Variants in PLEKHD1 observed in about 807,000 individuals in gnomAD.
PLEKHD1 encodes the protein pleckstrin homology and coiled-coil domain containing D1, also known as pleckstrin homology domain-containing family D member 1.
Under a neutral mutation model 69.2 loss-of-function variants are expected in PLEKHD1, and 51 were observed. The observed-to-expected ratio is 0.74, with a 90% CI of 0.59 to 0.93. The LOEUF (loss-of-function observed/expected upper bound fraction) is 0.93, where lower values mean the gene tolerates loss of function less well. Among genes scored for constraint, PLEKHD1 ranks in the 40% least tolerant of loss-of-function variants. The pLI, the probability that PLEKHD1 is intolerant of heterozygous loss-of-function variation, is 0.00. For missense variants in PLEKHD1, 584 were observed against 641.0 expected (o/e 0.91, Z 0.96); for synonymous variants, 236 against 244.7 (o/e 0.96, Z 0.33).
intron 6 of PLEKHD1, among the ~76,000 whole-genome samples, chr14:69,521,279 C>T (rs1883508827): frequency 6.6e-6 from 1 of 152,158 alleles, no homozygotes; most frequent in Non-Finnish European, 1.5e-5. Flanking sequence ...GATATAGCAA[C>T]TCTTTGGGTA....
intron 7 of PLEKHD1, among the ~76,000 whole-genome samples, chr14:69,522,878 A>C (rs4902726): frequency 0.77 from 116,435 of 151,858 alleles, 45,279 homozygotes; most frequent in Admixed American, 0.85. Context: ...ATCTCTCTCT[A>C]TATATATACA....
Position 69,527,812 on chromosome 14 carries a change from G to C in PLEKHD1, c.1231G>C (p.Glu411Gln). The stretch of plus-strand genomic sequence containing the variant: ...CTTTGAGGAGTGCATCCGGAATGCC[G>C]AGCTGGAGGCCAAGATGCCTGTGAT... ...RFFEECIRNA[E>Q]LEAKMPVIMK... Residue 411 changes from glutamate to glutamine, a missense_variant, in exon 12 of 13, where the codon GAG becomes CAG. By Grantham distance (29) the Glu-to-Gln change is conservative. Transcript: ENST00000322564. 6.4e-7 allele frequency: 1 copy of C among 1,551,472 alleles called. No individual in the cohort carries two copies. Among genetic ancestry groups the C allele is most frequent in the East Asian group, 2.4e-5 (1 of 40,912 alleles).
chr14:69,479,390 C>T, the PLEKHD1 span, among the ~76,000 whole-genome samples: 1 of 152,164 alleles, frequency 6.6e-6, no homozygotes, highest in Non-Finnish European at 1.5e-5. Flanking sequence ...ACACAAGAGA[C>T]TTACAGGATC....
intron 6 of PLEKHD1, among the ~76,000 whole-genome samples, chr14:69,504,705 T>A (rs1009763449): frequency 1.3e-5 from 2 of 152,138 alleles, no homozygotes; most frequent in Non-Finnish European, 2.9e-5. Context: ...TTTCATTGAT[T>A]AAAGAGAAAA....
At chr14:69,503,671 A>G (rs1443009265) in intron 6 of PLEKHD1, 1 of 140,680 alleles carries the variant, frequency 7.1e-6, no homozygotes, top group African/African-American at 2.8e-5. Flanking sequence ...AGCCTGGGCG[A>G]CAGAGCGAGA....
At chr14:69,520,043 C>T (rs1443210829) in intron 6 of PLEKHD1, among the ~76,000 whole-genome samples, 2 of 151,550 alleles carry the variant, frequency 1.3e-5, no homozygotes, top group African/African-American at 2.4e-5. Context: ...GGTGCGCGCC[C>T]GTAATCCCAG....
chr14:69,512,079 T>A (rs367866414), intron 6 of PLEKHD1, among the ~76,000 whole-genome samples: 1 of 152,246 alleles, frequency 6.6e-6, no homozygotes, highest in Admixed American at 6.5e-5. Flanking sequence ...TTAATAGATA[T>A]AGGCCTATTC....
intron 6 of PLEKHD1, among the ~76,000 whole-genome samples, chr14:69,504,009 C>A (rs946374617): frequency 6.6e-6 from 1 of 152,068 alleles, no homozygotes; most frequent in African/African-American, 2.4e-5. Context: ...TTGTATTTGA[C>A]CTTCAATACT....
At chr14:69,523,708 T>C (rs913461985) in intron 7 of PLEKHD1, among the ~76,000 whole-genome samples, 1 of 152,032 alleles carries the variant, frequency 6.6e-6, no homozygotes, top group Admixed American at 6.6e-5. Context: ...CTGAGTGAGA[T>C]GGGCCTTGAA....
chr14:69,482,266 G>A (rs988481882), upstream of PLEKHD1, among the ~76,000 whole-genome samples: 1 of 152,188 alleles, frequency 6.6e-6, no homozygotes, highest in Non-Finnish European at 1.5e-5. Flanking sequence ...GGGCCCTACC[G>A]TGCAGGACTT....
Position 69,485,122 on chromosome 14 carries a change from C to A in PLEKHD1, c.149+8C>A. On this transcript the variant is annotated splice_region_variant and intron_variant, in intron 1 of 12. Coordinates refer to ENST00000322564, the MANE Select transcript of PLEKHD1 (RefSeq NM_001161498.2). The stretch of plus-strand genomic sequence containing the variant: ...GGCCAAGTGGTCCCGGCGGTGAGTG[C>A]GCCCCCGCGCCCCAAGGAGACCGCC... The A allele has an allele frequency of 1.3e-6, 2 of 1,546,994 alleles. No individual in the cohort carries two copies. The highest frequency in any genetic ancestry group is 1.4e-5 in the African/African-American group (1 of 73,104).
At chr14:69,487,833 A>G (rs1429394065) in intron 1 of PLEKHD1, among the ~76,000 whole-genome samples, 1 of 152,138 alleles carries the variant, frequency 6.6e-6, no homozygotes, top group Non-Finnish European at 1.5e-5. Context: ...GACAAAGAGG[A>G]AGGGGGTGGG....
intron 6 of PLEKHD1, among the ~76,000 whole-genome samples, chr14:69,511,394 A>G (rs139327899): frequency 0.01 from 1,578 of 151,982 alleles, 15 homozygotes; most frequent in African/African-American, 0.036. Flanking sequence ...CTGACCTCAG[A>G]TAATCCACCT....
In PLEKHD1 at chr14:69,529,549, C is replaced by G. The variant is rs1397210248; in HGVS notation, c.*1130C>G. On this transcript the variant is annotated 3_prime_UTR_variant, in exon 13 of 13. Coordinates refer to ENST00000322564, the MANE Select transcript of PLEKHD1 (RefSeq NM_001161498.2). ...AGGGTAACAGAGCAAGACCCTGTCT[C>G]AAACAAACACAAGGAAAACAAGCTC... 6.5e-6 allele frequency: 1 copy of G among 152,922 alleles called. No homozygotes were observed. The highest frequency in any genetic ancestry group is 1.5e-5 in the Non-Finnish European group (1 of 68,722). 9.5% of individuals were successfully genotyped at this position (152,922 alleles called of 1,614,324 possible).
At chr14:69,516,828 T>C (rs1171116168) in intron 6 of PLEKHD1, among the ~76,000 whole-genome samples, 2 of 152,166 alleles carry the variant, frequency 1.3e-5, no homozygotes, top group Non-Finnish European at 2.9e-5. Flanking sequence ...CACTACCATG[T>C]CCAGCTATTT....
intron 12 of PLEKHD1, 76 bp from the exon 13 acceptor site, chr14:69,528,174 C>T: frequency 2.0e-6 from 3 of 1,506,228 alleles, no homozygotes; most frequent in Middle Eastern, 1.9e-4. Flanking sequence ...GAGGGGGTGG[C>T]ATGAGGCTGG....
chr14:69,500,698 C>T (rs924361456), intron 3 of PLEKHD1, 32 bp downstream of exon 3: 25 of 1,546,802 alleles, frequency 1.6e-5, no homozygotes, highest in South Asian at 6.0e-5. Context: ...GCCTGGGCTC[C>T]GCAGGAGCAG....
chr14:69,475,746 C>CA, the PLEKHD1 span, among the ~76,000 whole-genome samples: 1 of 152,178 alleles, frequency 6.6e-6, no homozygotes, highest in African/African-American at 2.4e-5. Flanking sequence ...TCTTCTGTGC[C>CA]CACACACCCT....
chr14:69,480,429 C>T (rs1205264754), upstream of PLEKHD1, among the ~76,000 whole-genome samples: 1 of 152,168 alleles, frequency 6.6e-6, no homozygotes, highest in Non-Finnish European at 1.5e-5. Flanking sequence ...CAAGTAGACA[C>T]GACGTGGCCT....
Sources: gnomAD v4.1 joint callset for allele counts (sites outside exome capture counted in the v4.1 genomes callset) on GRCh38, gnomAD v4.1.1 for gene constraint, MANE v1.5 for transcripts, NCBI Gene and HGNC (gene_info 2026-07-23, HGNC 2026-07-21) for gene names.